The following CDH18 variants were observed in gnomAD, a reference collection of about 807,000 sequenced individuals.
The protein encoded by CDH18 is cadherin 18, also known as cadherin-18.
A neutral mutation model predicts 67.9 loss-of-function variants in CDH18; 31 were observed. The ratio of observed to expected loss-of-function variants is 0.46; its 90% CI spans 0.34 to 0.62. The LOEUF (loss-of-function observed/expected upper bound fraction) is 0.62, where lower values mean the gene tolerates loss of function less well. CDH18 is among the 20% of genes least tolerant of loss of function. CDH18 has a pLI of 0.01. For synonymous variants in CDH18, 362 were observed against 347.2 expected (o/e 1.04, Z -0.48); for missense variants, 890 against 975.5 (o/e 0.91, Z 1.17).
At chr5:20,321,100 A>C (rs1277731191) in intron 1 of CDH18, among the ~76,000 whole-genome samples, 1 of 152,100 alleles carries the variant, frequency 6.6e-6, no homozygotes, top group Admixed American at 6.6e-5. Context: ...AACATACTTT[A>C]CAGATTTCAT....
chr5:20,308,232 T>C lies in CDH18; in HGVS notation c.-579-52727A>G, dbSNP rs568623046. ...AACATTTTTGTTAAACTGATAAGAA[T>C]AGATACTAACACTTGATCGTAGCCA... On this transcript the variant is annotated intron_variant, in intron 1 of 14. Coordinates refer to the CDH18 transcript ENST00000507958. Among the ~76,000 whole-genome samples, 54 of 152,182 alleles carry C rather than the reference T, an allele frequency of 3.5e-4. 2 individuals carry two copies. The South Asian group carries it at 0.01, about 29-fold the overall frequency.
chr5:20,242,183 A>C (rs958845016), intron 2 of CDH18, among the ~76,000 whole-genome samples: 1 of 151,984 alleles, frequency 6.6e-6, no homozygotes, highest in African/African-American at 2.4e-5. Flanking sequence ...AATTGTATAT[A>C]TTTATGAGGT....
Position 19,746,946 on chromosome 5 carries a change from A to T in CDH18, c.519T>A (p.Asp173Glu). The change falls in exon 4 of 13, where the codon GAT becomes GAA. Residue 173 changes from aspartate to glutamate, a missense_variant. By Grantham distance (45) the Asp-to-Glu change is conservative (BLOSUM62 2). Around this residue, in one of 2 missense-constraint regions of CDH18, gnomAD observed 234 missense variants for 307.4 expected, o/e 0.76. Transcript: ENST00000382275. ...PYIVTVPEMS[D>E]MGTSVLQVTA... is the part of the protein sequence containing the mutation. ...CACAAAAATGATTTTTCTTACCCAT[A>T]TCTGACATTTCAGGCACAGTAACAA... 1 of 1,611,200 alleles carries T rather than the reference A, an allele frequency of 6.2e-7. No individual in the cohort carries two copies. The highest frequency in any genetic ancestry group is 8.5e-7 in the Non-Finnish European group (1 of 1,177,522).
chr5:20,120,432 AT>A (rs1179424753), intron 2 of CDH18, among the ~76,000 whole-genome samples: 8 of 152,164 alleles, frequency 5.3e-5, no homozygotes, highest in African/African-American at 1.9e-4. Flanking sequence ...TTACAGATAT[AT>A]AAACTGGGGC....
intron 2 of CDH18, among the ~76,000 whole-genome samples, chr5:19,856,709 A>AT (rs987343083): frequency 9.2e-5 from 14 of 151,784 alleles, no homozygotes; most frequent in Non-Finnish European, 1.6e-4. Flanking sequence ...GGCAGCAAAA[A>AT]AAAAAATAAA....
chr5:19,477,580 T>C (rs771466810), intron 12 of CDH18, among the ~76,000 whole-genome samples: 2 of 151,994 alleles, frequency 1.3e-5, no homozygotes, highest in Non-Finnish European at 2.9e-5. Flanking sequence ...GAAAAACAAA[T>C]GAAATGTTTC....
chr5:19,494,198 TTTAG>T (rs1477141761), intron 11 of CDH18, among the ~76,000 whole-genome samples: 7 of 152,222 alleles, frequency 4.6e-5, no homozygotes, highest in Admixed American at 3.9e-4. Flanking sequence ...GGATAATTTC[TTTAG>T]TTATTCCATT....
chr5:20,131,881 T>G (rs75186416), intron 2 of CDH18, among the ~76,000 whole-genome samples: 1,724 of 152,194 alleles, frequency 0.011, 23 homozygotes, highest in African/African-American at 0.015. Flanking sequence ...AGTGTTTTTT[T>G]TTGTTGTTGT....
intron 1 of CDH18, among the ~76,000 whole-genome samples, chr5:20,571,295 T>C (rs764708371): frequency 2.0e-5 from 3 of 152,170 alleles, no homozygotes; most frequent in African/African-American, 4.8e-5. Context: ...AGTTGTTGCA[T>C]TTTCATTTAT....
intron 2 of CDH18, among the ~76,000 whole-genome samples, chr5:20,241,283 G>T (rs1454232748): frequency 1.3e-5 from 2 of 152,076 alleles, no homozygotes; most frequent in African/African-American, 4.8e-5. Context: ...CTAGAACTGG[G>T]GTTTGAACCC....
Position 20,007,406 on chromosome 5 carries a change from G to A in CDH18, c.-517-15392C>T, listed in dbSNP as rs1044987278. Among the ~76,000 whole-genome samples, 12 of 152,032 alleles carry A rather than the reference G, an allele frequency of 7.9e-5. No individual in the cohort carries two copies. In the South Asian group the frequency reaches 1.7e-3, roughly 21 times the overall value. ...TCATTCCACAAAAATACAGTGCTGA[G>A]TTGATTCATGCTTGAAAAAAATTGT... On this transcript the variant is annotated intron_variant, in intron 2 of 14. Coordinates refer to the CDH18 transcript ENST00000507958.
At chr5:19,973,859 C>T (rs1276875695) in intron 2 of CDH18, among the ~76,000 whole-genome samples, 1 of 151,782 alleles carries the variant, frequency 6.6e-6, no homozygotes, top group Non-Finnish European at 1.5e-5. Context: ...AAGAATTTAG[C>T]CCCCTGTTTT....
intron 2 of CDH18, among the ~76,000 whole-genome samples, chr5:19,842,039 A>G (rs993283982): frequency 6.6e-6 from 1 of 152,250 alleles, no homozygotes; most frequent in Non-Finnish European, 1.5e-5. Context: ...CAAGAAATCC[A>G]TCTCTGCATA....
At chr5:19,986,684 C>A (rs1326064047) in intron 1 of CDH18, among the ~76,000 whole-genome samples, 1 of 152,146 alleles carries the variant, frequency 6.6e-6, no homozygotes, top group African/African-American at 2.4e-5. Context: ...AGGGCAACTG[C>A]AATCATAATA....
intron 5 of CDH18, among the ~76,000 whole-genome samples, chr5:19,688,256 C>T (rs571069847): frequency 1.3e-5 from 2 of 152,298 alleles, no homozygotes; most frequent in Admixed American, 1.3e-4. Flanking sequence ...CTTGGACTGG[C>T]TAATGCTACT....
intron 1 of CDH18, among the ~76,000 whole-genome samples, chr5:20,403,020 CAAA>C (rs11375333): frequency 6.9e-6 from 1 of 144,150 alleles, no homozygotes; most frequent in Non-Finnish European, 1.5e-5. Context: ...ACTAAAAATA[CAAA>C]AAAAAAAAAA....
At chr5:19,553,110 G>GA in intron 8 of CDH18, among the ~76,000 whole-genome samples, 1 of 152,166 alleles carries the variant, frequency 6.6e-6, no homozygotes, top group South Asian at 2.1e-4. Flanking sequence ...TTCTTCCACA[G>GA]AAACTACTTT....
chr5:19,777,977 T>C (rs1056680641), intron 3 of CDH18, among the ~76,000 whole-genome samples: 1 of 152,134 alleles, frequency 6.6e-6, no homozygotes, highest in African/African-American at 2.4e-5. Context: ...TGCTAATAAA[T>C]TCAACAAATC....
intron 12 of CDH18, among the ~76,000 whole-genome samples, chr5:19,479,896 C>T (rs1386683952): frequency 2.6e-5 from 4 of 152,050 alleles, no homozygotes; most frequent in African/African-American, 9.7e-5. Context: ...ATAAAATTTA[C>T]AAATGTTCTA....
Sources: gnomAD v4.1 joint callset for allele counts (sites outside exome capture counted in the v4.1 genomes callset) on GRCh38, gnomAD v4.1.1 for gene constraint, gnomAD v4.1.1 regional missense constraint, MANE v1.5 for transcripts, NCBI Gene and HGNC (gene_info 2026-07-23, HGNC 2026-07-21) for gene names.